DSCAML1: variants seen among roughly 807,000 people sequenced by gnomAD.
DSCAML1 encodes cell adhesion molecule DSCAML1.
Under a neutral mutation model 200.5 loss-of-function variants are expected in DSCAML1, and 38 were observed. That is an observed-to-expected ratio of 0.19 (90% confidence interval 0.15 to 0.25). The LOEUF is 0.25. Among genes scored for constraint, DSCAML1 ranks in the 10% least tolerant of loss-of-function variants. DSCAML1 has a pLI of 1.00. For synonymous variants in DSCAML1, 1,215 were observed against 1,165.0 expected, an observed-to-expected ratio of 1.04 and a Z score of -0.87; for missense variants, 2,223 against 2,858.8, an observed-to-expected ratio of 0.78 and a Z score of 5.07.
At chr11:117,652,745 C>T (rs1023848784) in intron 3 of DSCAML1, among the ~76,000 whole-genome samples, 15 of 152,176 alleles carry the variant, frequency 9.9e-5, no homozygotes, top group African/African-American at 3.4e-4. Flanking sequence ...GATAACCGTG[C>T]GTGCATTGGT....
chr11:117,431,838 GC>G, intron 30 of DSCAML1, 110 bp from the exon 31 acceptor site: 1 of 1,045,302 alleles, frequency 9.6e-7, no homozygotes, highest in Non-Finnish European at 1.3e-6. Context: ...GGCAGATGCA[GC>G]CACAGAAGCG....
Position 117,787,966 on chromosome 11 carries a change from CA to C in DSCAML1, c.47-7157del, listed in dbSNP as rs539187406. 3.1e-3 allele frequency among the ~76,000 whole-genome samples: 467 copies of C among 152,230 alleles called. 6 individuals carry two copies. The highest frequency in any genetic ancestry group is 5.4e-3 in the Non-Finnish European group (370 of 68,000). ...AAAATTGGTTCTAGAGAGGATCAAC[CA>C]GTAGGGTGATCCTCCCACCGGCTCA... On this transcript the variant is annotated intron_variant, in intron 1 of 32. Coordinates refer to ENST00000651296, the MANE Select transcript of DSCAML1 (RefSeq NM_020693.4).
chr11:117,765,992 T>G (rs1296849880), intron 3 of DSCAML1, among the ~76,000 whole-genome samples: 10 of 152,230 alleles, frequency 6.6e-5, no homozygotes, highest in Admixed American at 5.9e-4. Flanking sequence ...CAACCGCACC[T>G]GCCCCTTCAT....
rs760492346 is a variant in DSCAML1, at chr11:117,428,539, G to C, written c.5951C>G (p.Ala1984Gly). Reference protein sequence around the residue: ...LAMPAPPAGTAPPAPGPTPAE... With the variant: ...LAMPAPPAGTGPPAPGPTPAE... The stretch of plus-strand genomic sequence containing the variant: ...AGGGGTGGGGCCGGGGGCTGGGGGG[G>C]CTGTGCCGGCTGGGGGGGCTGGCAT... Residue 1984 changes from alanine to glycine, a missense_variant, in exon 33 of 33, where the codon GCC (alanine) becomes GGC (glycine). Coordinates refer to ENST00000651296, the MANE Select transcript of DSCAML1 (RefSeq NM_020693.4). 1.5e-5 allele frequency: 22 copies of C among 1,502,996 alleles called. No individual in the cohort carries two copies. In the South Asian group the frequency reaches 2.2e-4, roughly 15 times the overall value. 93.1% of individuals were successfully genotyped at this position (1,502,996 alleles called of 1,614,324 possible).
chr11:117,564,251 T>A (rs2050714850), intron 3 of DSCAML1, among the ~76,000 whole-genome samples: 1 of 152,214 alleles, frequency 6.6e-6, no homozygotes, highest in African/African-American at 2.4e-5. Flanking sequence ...GCTGGTCTCT[T>A]TGGACTGATG....
intron 3 of DSCAML1, among the ~76,000 whole-genome samples, chr11:117,742,663 C>T (rs1315950942): frequency 6.6e-6 from 1 of 152,208 alleles, no homozygotes; most frequent in Non-Finnish European, 1.5e-5. Context: ...GGACTGTGCA[C>T]ACACTGAGTT....
At chr11:117,452,743 C>T (rs1480110953) in intron 19 of DSCAML1, among the ~76,000 whole-genome samples, 4 of 152,016 alleles carry the variant, frequency 2.6e-5, no homozygotes, top group Admixed American at 2.0e-4. Flanking sequence ...CTATTTTCCT[C>T]CCTCTATTAG....
chr11:117,736,828 C>A (rs1271929901), intron 3 of DSCAML1, among the ~76,000 whole-genome samples: 1 of 152,202 alleles, frequency 6.6e-6, no homozygotes, highest in East Asian at 1.9e-4. Flanking sequence ...TGGAACAGAA[C>A]AACTGTGAAT....
At chr11:117,627,006 C>T (rs1207840248) in intron 3 of DSCAML1, among the ~76,000 whole-genome samples, 1 of 152,202 alleles carries the variant, frequency 6.6e-6, no homozygotes, top group African/African-American at 2.4e-5. Context: ...ACTTTACATT[C>T]AGGAAGCTTA....
At chr11:117,442,234 G>GCA (rs1565682976) in intron 21 of DSCAML1, among the ~76,000 whole-genome samples, 4 of 151,206 alleles carry the variant, frequency 2.6e-5, no homozygotes, top group African/African-American at 9.7e-5. Context: ...GTGTGTGTGT[G>GCA]CGTGTGTATG....
chr11:117,710,842 C>G (rs969901546), intron 3 of DSCAML1, among the ~76,000 whole-genome samples: 2 of 152,198 alleles, frequency 1.3e-5, no homozygotes, highest in African/African-American at 2.4e-5. Flanking sequence ...AGTTGACAAT[C>G]TAACTGGGGA....
At chr11:117,445,844 C>G (rs987788448) in intron 20 of DSCAML1, among the ~76,000 whole-genome samples, 17 of 152,168 alleles carry the variant, frequency 1.1e-4, no homozygotes, top group Admixed American at 4.6e-4. Context: ...TCCTTTTAAC[C>G]TGGACACCCC....
At chr11:117,591,443 A>C (rs753523191) in intron 3 of DSCAML1, among the ~76,000 whole-genome samples, 4 of 152,244 alleles carry the variant, frequency 2.6e-5, no homozygotes, top group Non-Finnish European at 5.9e-5. Context: ...ACATCTGTTC[A>C]GCACATAGAA....
intron 24 of DSCAML1, among the ~76,000 whole-genome samples, chr11:117,438,563 G>A (rs1368047750): frequency 6.7e-6 from 1 of 148,612 alleles, no homozygotes; most frequent in Non-Finnish European, 1.5e-5. Context: ...TGACGCAGAC[G>A]CACGCCCACA....
intron 3 of DSCAML1, among the ~76,000 whole-genome samples, chr11:117,774,733 G>T (rs568969866): frequency 6.6e-6 from 1 of 152,114 alleles, no homozygotes; most frequent in South Asian, 2.1e-4. Flanking sequence ...ACATTTATAC[G>T]GTGGGTGAGG....
rs189379593 is a variant in DSCAML1, at chr11:117,681,763, C to A, written c.511+95028G>T. Reference sequence around the variant, plus strand: ...TCTTTAATTAATTTAATAAATTAATCCTTGGACTTTTTTCTTCACTGTCTC... The same window carrying A: ...TCTTTAATTAATTTAATAAATTAATACTTGGACTTTTTTCTTCACTGTCTC... On this transcript the variant is annotated intron_variant, in intron 3 of 32. Transcript: ENST00000651296. Among the ~76,000 whole-genome samples, 273 of 152,236 alleles carry A rather than the reference C, an allele frequency of 1.8e-3. 1 individual carries two copies. The highest frequency in any genetic ancestry group is 6.4e-3 in the African/African-American group (264 of 41,540).
chr11:117,776,864 G>A lies in DSCAML1; in HGVS notation c.438C>T (p.Cys146=). 1.2e-6 allele frequency: 2 copies of A among 1,614,184 alleles called. No individual in the cohort carries two copies. The change falls in exon 3 of 33, where the codon TGC becomes TGT. Residue 146 remains cysteine (C), a synonymous_variant. Transcript: ENST00000651296. Reference sequence around the variant, plus strand: ...ATTCCTGCACTGAAGAGGGGATGAGGCACTTGAAGACGGCCACGTTGCCAC... The same window carrying A: ...ATTCCTGCACTGAAGAGGGGATGAGACACTTGAAGACGGCCACGTTGCCAC... ...SMRGNVAVFK[C]LIPSSVQEYV...
chr11:117,675,731 C>T (rs1233516140), intron 3 of DSCAML1, among the ~76,000 whole-genome samples: 1 of 152,014 alleles, frequency 6.6e-6, no homozygotes, highest in Non-Finnish European at 1.5e-5. Context: ...ACTGGAGCAC[C>T]TCGGGCATCG....
intron 3 of DSCAML1, among the ~76,000 whole-genome samples, chr11:117,709,507 C>T (rs2053805929): frequency 6.6e-6 from 1 of 152,120 alleles, no homozygotes; most frequent in Non-Finnish European, 1.5e-5. Flanking sequence ...TCACATGGGG[C>T]TTTTGGGCTT....
Sources: gnomAD v4.1 joint callset for allele counts (sites outside exome capture counted in the v4.1 genomes callset) on GRCh38, gnomAD v4.1.1 for gene constraint, MANE v1.5 for transcripts, NCBI Gene and HGNC (gene_info 2026-07-23, HGNC 2026-07-21) for gene names.